Variants in ITGA1 observed in about 807,000 individuals in gnomAD.
ITGA1 encodes the protein integrin subunit alpha 1, also known as integrin alpha-1.
A neutral mutation model predicts 145.9 loss-of-function variants in ITGA1; 85 were observed. That is an observed-to-expected ratio of 0.58 (90% CI 0.49 to 0.70). The LOEUF (loss-of-function observed/expected upper bound fraction) is 0.70. Among genes scored for constraint, ITGA1 ranks in the 30% least tolerant of loss-of-function variants. The pLI is 0.00. For missense variants in ITGA1, 1,351 were observed against 1,418.7 expected (o/e 0.95, Z 0.77); for synonymous variants, 520 against 495.3 (o/e 1.05, Z -0.66).
chr5:52,826,120 G>A (rs939767789), intron 1 of ITGA1, among the ~76,000 whole-genome samples: 2 of 152,118 alleles, frequency 1.3e-5, no homozygotes, highest in African/African-American at 2.4e-5. Context: ...TGAATGTAAA[G>A]GAGAAGTTCT....
At chr5:52,897,188 A>G (rs751442620) in intron 9 of ITGA1, among the ~76,000 whole-genome samples, 1 of 152,148 alleles carries the variant, frequency 6.6e-6, no homozygotes, top group Non-Finnish European at 1.5e-5. Flanking sequence ...CAGTATAAGA[A>G]TGGAGATTTC....
chr5:52,835,415 G>C (rs1031636371), intron 1 of ITGA1, among the ~76,000 whole-genome samples: 6 of 152,130 alleles, frequency 3.9e-5, no homozygotes, highest in Non-Finnish European at 7.3e-5. Context: ...GTTGGGGAGA[G>C]TTCACCAGGC....
At chr5:52,861,140 A>T (rs890939995) in intron 2 of ITGA1, among the ~76,000 whole-genome samples, 2 of 152,078 alleles carry the variant, frequency 1.3e-5, no homozygotes, top group Non-Finnish European at 2.9e-5. Flanking sequence ...AATCTCTGAA[A>T]TATCTATCCT....
At chr5:52,944,843 T>C in intron 26 of ITGA1, 100 bp from the exon 27 acceptor site, 1 of 790,336 alleles carries the variant, frequency 1.3e-6, no homozygotes, top group East Asian at 2.5e-5. Flanking sequence ...TTTTAATCTC[T>C]CAGAAAAATC....
intron 1 of ITGA1, among the ~76,000 whole-genome samples, chr5:52,846,808 A>T (rs1409012681): frequency 6.6e-6 from 1 of 152,174 alleles, no homozygotes; most frequent in East Asian, 1.9e-4. Flanking sequence ...AATCCTGGGT[A>T]CACATTTTCT....
chr5:52,881,908 T>A lies in ITGA1; in HGVS notation c.660T>A (p.His220Gln). 6.2e-7 allele frequency: 1 copy of A among 1,613,930 alleles called. No individual in the cohort carries two copies. The highest frequency in any genetic ancestry group is 8.5e-7 in the Non-Finnish European group (1 of 1,179,900). Residue 220 changes from histidine (H) to glutamine (Q), a missense_variant, in exon 7 of 29, where the codon CAT becomes CAA. His to Gln is a conservative substitution (Grantham distance 24). Coordinates refer to ENST00000282588, the MANE Select transcript of ITGA1 (RefSeq NM_181501.2). Reference protein sequence around the residue: ...GIVQYGENVTHEFNLNKYSST... With the variant: ...GIVQYGENVTQEFNLNKYSST... ...TACAGTATGGAGAAAACGTGACCCA[T>A]GAGTTCAACCTCAATAAGTATTCTT... is the stretch of plus-strand genomic sequence containing the variant.
intron 1 of ITGA1, among the ~76,000 whole-genome samples, chr5:52,842,424 T>C (rs771390655): frequency 2.0e-5 from 3 of 152,192 alleles, no homozygotes; most frequent in South Asian, 4.1e-4. Context: ...CATACCTGTA[T>C]TGTGTTTCAA....
In ITGA1 at chr5:52,954,861, AG is replaced by A. The variant is rs1751279890; in HGVS notation, c.*2411del. 1 of 152,214 alleles carries A rather than the reference AG, an allele frequency of 6.6e-6. No individual in the cohort carries two copies. Among genetic ancestry groups the A allele is most frequent in the African/African-American group, 2.4e-5 (1 of 41,462 alleles). The allele number at this position is 152,214 out of a possible 1,614,324, so 9.4% of individuals were successfully genotyped here. A position where few individuals can be genotyped will look rare whatever the true frequency, so the allele number is the denominator to read the frequency against. On this transcript the variant is annotated 3_prime_UTR_variant, in exon 29 of 29. Coordinates refer to ENST00000282588, the MANE Select transcript of ITGA1 (RefSeq NM_181501.2). ...AAGTACAGAGCGTTTGATTAAAAAA[AG>A]TCAACAAATGTTTCAAAACAGCTTT...
chr5:52,799,718 G>A (rs992900409), intron 1 of ITGA1, among the ~76,000 whole-genome samples: 1 of 152,224 alleles, frequency 6.6e-6, no homozygotes, highest in African/African-American at 2.4e-5. Context: ...TAAGGCAAGA[G>A]CAAAAACGAG....
chr5:52,894,772 G>A (rs1006671950), intron 9 of ITGA1, among the ~76,000 whole-genome samples: 1 of 152,022 alleles, frequency 6.6e-6, no homozygotes, highest in African/African-American at 2.4e-5. Flanking sequence ...CAGTTTCCCT[G>A]ATTTGATTGA....
chr5:52,804,750 G>A (rs556086238), intron 1 of ITGA1, among the ~76,000 whole-genome samples: 3 of 152,206 alleles, frequency 2.0e-5, no homozygotes, highest in Non-Finnish European at 4.4e-5. Context: ...GCTCTTATTT[G>A]GGAAAGGGTT....
chr5:52,905,334 T>C (rs1308878577), intron 11 of ITGA1: 1 of 152,530 alleles, frequency 6.6e-6, no homozygotes, highest in East Asian at 1.9e-4. Flanking sequence ...TATTTAAAAT[T>C]ACAATTTTAA....
chr5:52,859,586 CAAAAT>C (rs1384708725), intron 2 of ITGA1, among the ~76,000 whole-genome samples: 11 of 152,154 alleles, frequency 7.2e-5, no homozygotes. Context: ...AGGGCCTACA[CAAAAT>C]AAATCCCATT....
chr5:52,922,714 T>C (rs1750748371), intron 17 of ITGA1, 63 bp from the exon 18 acceptor site: 1 of 1,043,394 alleles, frequency 9.6e-7, no homozygotes, highest in African/African-American at 1.6e-5. Context: ...GAAGGAGACA[T>C]AACAAGATCA....
At chr5:52,920,808 A>C (rs1299270771) in intron 17 of ITGA1, among the ~76,000 whole-genome samples, 1 of 152,030 alleles carries the variant, frequency 6.6e-6, no homozygotes, top group African/African-American at 2.4e-5. Context: ...GAAAACATTT[A>C]ATTTCTGTGG....
At chr5:52,874,220 A>G (rs1214420787) in intron 6 of ITGA1, among the ~76,000 whole-genome samples, 1 of 152,164 alleles carries the variant, frequency 6.6e-6, no homozygotes, top group African/African-American at 2.4e-5. Flanking sequence ...CAAAAAGACC[A>G]AACACAAGAG....
At chr5:52,814,427 G>C (rs983493694) in intron 1 of ITGA1, among the ~76,000 whole-genome samples, 2 of 152,094 alleles carry the variant, frequency 1.3e-5, no homozygotes, top group African/African-American at 4.8e-5. Flanking sequence ...TGTGAGCACT[G>C]TGCGAGCCCA....
chr5:52,835,567 G>C (rs954593514), intron 1 of ITGA1, among the ~76,000 whole-genome samples: 2 of 152,200 alleles, frequency 1.3e-5, no homozygotes, highest in Non-Finnish European at 2.9e-5. Context: ...AATGAGATTG[G>C]AAAGGTCAAA....
chr5:52,808,409 A>G (rs967313362), intron 1 of ITGA1, among the ~76,000 whole-genome samples: 6 of 152,172 alleles, frequency 3.9e-5, no homozygotes, highest in Non-Finnish European at 8.8e-5. Context: ...TAGTTGTACA[A>G]TTTATTCAGA....
Sources: allele counts gnomAD v4.1 joint callset (sites outside exome capture counted in the v4.1 genomes callset), GRCh38; gene constraint gnomAD v4.1.1; transcripts MANE v1.5; gene names NCBI Gene and HGNC (gene_info 2026-07-23, HGNC 2026-07-21).